Variants in RBKS observed in about 807,000 individuals in gnomAD.
RBKS encodes the protein ribokinase.
Under a neutral mutation model 33.9 loss-of-function variants are expected in RBKS, and 33 were observed. The observed-to-expected ratio is 0.97, with a 90% CI of 0.74 to 1.30. The LOEUF (loss-of-function observed/expected upper bound fraction) is 1.30. Among genes scored for constraint, RBKS ranks in the 50% most tolerant of loss-of-function variants. The pLI is 0.00. For synonymous variants in RBKS, 125 were observed against 143.0 expected, an observed-to-expected ratio of 0.87 and a Z score of 0.90; for missense variants, 361 against 392.6, an observed-to-expected ratio of 0.92 and a Z score of 0.68.
intron 5 of RBKS, among the ~76,000 whole-genome samples, chr2:27,842,177 A>C (rs377109739): frequency 6.6e-6 from 1 of 152,342 alleles, no homozygotes; most frequent in East Asian, 1.9e-4. Context: ...TTTCCCCACT[A>C]GTCAGTGGTG....
chr2:27,849,523 G>A (rs1405076193), intron 2 of RBKS, among the ~76,000 whole-genome samples: 5 of 116,442 alleles, frequency 4.3e-5, no homozygotes, highest in Non-Finnish European at 4.8e-5. Context: ...TTGTGCCACT[G>A]CACTCCAGCC....
intron 1 of RBKS, among the ~76,000 whole-genome samples, chr2:27,862,452 A>G (rs1249894531): frequency 6.6e-6 from 1 of 152,090 alleles, no homozygotes; most frequent in African/African-American, 2.4e-5. Flanking sequence ...TTGTCACTAC[A>G]TCAGATTCAC....
intron 4 of RBKS, among the ~76,000 whole-genome samples, chr2:27,846,016 G>A (rs1214895304): frequency 6.6e-6 from 1 of 151,972 alleles, no homozygotes; most frequent in Non-Finnish European, 1.5e-5. Context: ...CCAGGCTGGA[G>A]TGTAGTCACC....
chr2:27,846,855 G>A (rs1037036447), intron 4 of RBKS, among the ~76,000 whole-genome samples, 187 bp downstream of exon 4: 6 of 152,142 alleles, frequency 3.9e-5, no homozygotes, highest in East Asian at 1.9e-4. Context: ...TTATCTGAAC[G>A]ATCCATGTGA....
chr2:27,814,644 C>T (rs962652806), intron 7 of RBKS, among the ~76,000 whole-genome samples: 1 of 152,128 alleles, frequency 6.6e-6, no homozygotes, highest in African/African-American at 2.4e-5. Context: ...GACAGTCATG[C>T]GGAAGGCACC....
At chr2:27,834,648 T>G (rs769164893) in intron 5 of RBKS, among the ~76,000 whole-genome samples, 66 of 152,328 alleles carry the variant, frequency 4.3e-4, no homozygotes, top group Non-Finnish European at 8.5e-4. Context: ...CACACTCACT[T>G]AAACTTTTTA....
In RBKS at chr2:27,781,545, C is replaced by CAT; in HGVS notation, c.*68_*69dup. On this transcript the variant is annotated 3_prime_UTR_variant, in exon 8 of 8. Coordinates refer to ENST00000302188, the MANE Select transcript of RBKS (RefSeq NM_022128.3). ...GGGGACGAGGACATTTTCTAATAAG[C>CAT]ATTAGCCAGGAGCAGCCACCCCCAA... The CAT allele has an allele frequency of 1.6e-6, 2 of 1,228,806 alleles. No homozygotes were observed. The highest frequency in any genetic ancestry group is 2.2e-6 in the Non-Finnish European group (2 of 889,600). 76.1% of individuals were successfully genotyped at this position (1,228,806 alleles called of 1,614,324 possible).
At chr2:27,887,871 T>C (rs557707673) in intron 1 of RBKS, among the ~76,000 whole-genome samples, 124 of 152,260 alleles carry the variant, frequency 8.1e-4, no homozygotes, top group African/African-American at 3.0e-3. Flanking sequence ...TTCAGTTTAT[T>C]TATCTAAAAA....
At chr2:27,848,834 G>A (rs986735908) in intron 2 of RBKS, among the ~76,000 whole-genome samples, 2 of 132,244 alleles carry the variant, frequency 1.5e-5, no homozygotes, top group Admixed American at 1.7e-4. Context: ...GAGTGAGACT[G>A]TCTCAAAAAA....
At chr2:27,879,734 G>A (rs1022761294) in intron 1 of RBKS, among the ~76,000 whole-genome samples, 3 of 152,048 alleles carry the variant, frequency 2.0e-5, no homozygotes, top group Non-Finnish European at 4.4e-5. Flanking sequence ...AACTAGAAAA[G>A]TCAGAAGAAA....
intron 1 of RBKS, 114 bp from the exon 2 acceptor site, chr2:27,858,685 G>C: frequency 1.1e-6 from 1 of 888,482 alleles, no homozygotes; most frequent in Non-Finnish European, 1.7e-6. Context: ...TTAACAATTA[G>C]AACTATAAGC....
In RBKS at chr2:27,837,237, G is replaced by C. The variant is rs1461685724; in HGVS notation, c.515-4460C>G. Among the ~76,000 whole-genome samples, 1 of 151,720 alleles carries C rather than the reference G, an allele frequency of 6.6e-6. No homozygotes were observed. The highest frequency in any genetic ancestry group is 2.4e-5 in the African/African-American group (1 of 40,988). On this transcript the variant is annotated intron_variant, in intron 5 of 7. Coordinates refer to ENST00000302188, the MANE Select transcript of RBKS (RefSeq NM_022128.3). The surrounding 1 kb of genome is among the most constrained non-coding windows in gnomAD (Gnocchi z 4.0). ...TGCAGTGAGCCGAGATCGTGCCACTGCACTCCAGCCTGGGCGATAGAGCGA... is the reference window on the plus strand; with the variant it reads ...TGCAGTGAGCCGAGATCGTGCCACTCCACTCCAGCCTGGGCGATAGAGCGA...
intron 1 of RBKS, among the ~76,000 whole-genome samples, chr2:27,884,580 A>G (rs1291833252): frequency 2.0e-5 from 3 of 152,058 alleles, no homozygotes; most frequent in South Asian, 2.1e-4. Context: ...TCTAGGTCCA[A>G]TGCTTCATCC....
chr2:27,874,635 T>C (rs1664277864), intron 1 of RBKS, among the ~76,000 whole-genome samples: 1 of 152,204 alleles, frequency 6.6e-6, no homozygotes, highest in Non-Finnish European at 1.5e-5. Context: ...CTCCAACCCC[T>C]TTCTCTTAAA....
intron 1 of RBKS, among the ~76,000 whole-genome samples, chr2:27,865,645 C>T (rs1456461538): frequency 7.1e-6 from 1 of 141,322 alleles, no homozygotes; most frequent in Non-Finnish European, 1.5e-5. Context: ...AACTCCTGGC[C>T]TAAAGTGAGC....
intron 7 of RBKS, among the ~76,000 whole-genome samples, chr2:27,801,963 A>T (rs10168726): frequency 0.12 from 5,405 of 46,928 alleles, 482 homozygotes; most frequent in Non-Finnish European, 0.15. Flanking sequence ...AAAAAAAAAA[A>T]ATATATATAT....
At chr2:27,841,647 C>A (rs758977210) in intron 5 of RBKS, among the ~76,000 whole-genome samples, 1 of 151,800 alleles carries the variant, frequency 6.6e-6, no homozygotes, top group Non-Finnish European at 1.5e-5. Flanking sequence ...TTTTAAAATT[C>A]TCCACAAAAT....
chr2:27,827,084 G>C (rs2148202260), intron 7 of RBKS, among the ~76,000 whole-genome samples: 1 of 152,346 alleles, frequency 6.6e-6, no homozygotes, highest in South Asian at 2.1e-4. Context: ...TTGGTTAAAA[G>C]AATGATCTCT....
At chr2:27,878,711 A>AT (rs1392904287) in intron 1 of RBKS, among the ~76,000 whole-genome samples, 2 of 152,048 alleles carry the variant, frequency 1.3e-5, no homozygotes. Flanking sequence ...TGACTTTTTA[A>AT]TGATTGCCAT....
Sources: gnomAD v4.1 joint callset for allele counts (sites outside exome capture counted in the v4.1 genomes callset) on GRCh38, gnomAD v4.1.1 for gene constraint, Gnocchi (gnomAD v3.1) non-coding constraint, MANE v1.5 for transcripts, NCBI Gene and HGNC (gene_info 2026-07-23, HGNC 2026-07-21) for gene names.